UCHL3: variants seen among roughly 807,000 people sequenced by gnomAD.
The protein encoded by UCHL3 is ubiquitin carboxyl-terminal hydrolase isozyme L3.
In UCHL3, 22 loss-of-function variants were observed where a neutral mutation model predicts 35.8. The observed-to-expected ratio is 0.61, with a 90% confidence interval of 0.44 to 0.88. UCHL3 has a LOEUF of 0.88. Among genes scored for constraint, UCHL3 ranks in the 40% least tolerant of loss-of-function variants. The pLI, the probability that UCHL3 is intolerant of heterozygous loss-of-function variation, is 0.00. For missense variants in UCHL3, 229 were observed against 276.9 expected, an observed-to-expected ratio of 0.83 and a Z score of 1.23; for synonymous variants, 90 against 92.8, an observed-to-expected ratio of 0.97 and a Z score of 0.17.
At chr13:75,549,763 AGCGGCGGCG>A (rs1252302993), upstream of UCHL3, 9 of 1,445,384 alleles carry the variant, frequency 6.2e-6, no homozygotes, top group Non-Finnish European at 8.1e-6. Flanking sequence ...CGTGGGCGGA[AGCGGCGGCG>A]GCGGCGAAGG....
In UCHL3 at chr13:75,567,352, A is replaced by C. The variant is rs549018590; in HGVS notation, c.426+40A>C. On this transcript the variant is annotated intron_variant, in intron 5 of 8. Transcript: ENST00000377595. ...TCCGTTTTGATCTCATGTGGGCAAAAGTTTGTGGGATTGTAGATGTGTTTG... is the reference window on the plus strand; with the variant it reads ...TCCGTTTTGATCTCATGTGGGCAAACGTTTGTGGGATTGTAGATGTGTTTG... 63 of 1,574,868 alleles carry C rather than the reference A, an allele frequency of 4.0e-5. No homozygotes were observed. In the South Asian group the frequency reaches 7.0e-4, roughly 18 times the overall value.
chr13:75,605,278 C>G (rs1056432965), intron 8 of UCHL3, among the ~76,000 whole-genome samples: 3 of 152,192 alleles, frequency 2.0e-5, no homozygotes, highest in African/African-American at 7.2e-5. Flanking sequence ...GAGGCCGAGG[C>G]GGGTGGATCA....
rs1430477847 is a variant in UCHL3 at position 75,605,842 on chromosome 13, T to A, written c.*30T>A. The A allele has an allele frequency of 1.2e-6, 2 of 1,604,706 alleles. No individual in the cohort carries two copies. Among genetic ancestry groups the A allele is most frequent in the South Asian group, 2.2e-5 (2 of 89,898 alleles). ...TCAATAATGGAAACACCAAAAACTG[T>A]ATTATTTGCAACTAAATTTTCTCTG... On this transcript the variant is annotated 3_prime_UTR_variant, in exon 9 of 9. Transcript: ENST00000377595.
intron 2 of UCHL3, among the ~76,000 whole-genome samples, chr13:75,558,830 T>C (rs1011160680): frequency 1.3e-5 from 2 of 152,182 alleles, no homozygotes; most frequent in African/African-American, 4.8e-5. Flanking sequence ...ACACAGTTTT[T>C]TCCCTTGACT....
intron 6 of UCHL3, among the ~76,000 whole-genome samples, chr13:75,589,585 A>G (rs906771467): frequency 2.6e-5 from 4 of 151,962 alleles, no homozygotes; most frequent in Admixed American, 2.6e-4. Flanking sequence ...TGTGCATTTT[A>G]TATGCGTTAC....
At chr13:75,602,224 T>A (rs1210582379) in intron 7 of UCHL3, among the ~76,000 whole-genome samples, 49 of 152,214 alleles carry the variant, frequency 3.2e-4, no homozygotes, top group Admixed American at 3.2e-3. Context: ...TGTTGGGTAT[T>A]TGACAGTAGC....
chr13:75,583,206 AC>A (rs2032234150), intron 6 of UCHL3, among the ~76,000 whole-genome samples: 1 of 152,202 alleles, frequency 6.6e-6, no homozygotes. Context: ...CCCAGGCCTT[AC>A]AAAGTAGTTT....
At chr13:75,570,502 C>T (rs1333044293) in intron 6 of UCHL3, among the ~76,000 whole-genome samples, 1 of 152,170 alleles carries the variant, frequency 6.6e-6, no homozygotes, top group African/African-American at 2.4e-5. Flanking sequence ...TCCCATAGTG[C>T]TGGGATTACA....
In UCHL3 at chr13:75,605,578, A is replaced by G. The variant is rs545535869; in HGVS notation, c.610-151A>G. 5 of 716,290 alleles carry G rather than the reference A, an allele frequency of 7.0e-6. No homozygotes were observed. In the East Asian group the frequency reaches 1.1e-4, roughly 15 times the overall value. The allele number at this position is 716,290 out of a possible 1,614,324, so 44.4% of individuals were successfully genotyped here. Reference sequence around the variant, plus strand: ...TTGTACAAAGCAAATTAGGGCACCCATGTTCACTTTTCTGGTGTTCTTTAT... The same window carrying G: ...TTGTACAAAGCAAATTAGGGCACCCGTGTTCACTTTTCTGGTGTTCTTTAT... On this transcript the variant is annotated intron_variant, in intron 8 of 8. Coordinates refer to ENST00000377595, the MANE Select transcript of UCHL3 (RefSeq NM_006002.5).
intron 2 of UCHL3, among the ~76,000 whole-genome samples, chr13:75,552,241 A>C (rs913819729): frequency 6.6e-6 from 1 of 152,170 alleles, no homozygotes; most frequent in Non-Finnish European, 1.5e-5. Flanking sequence ...TTTATTCTCT[A>C]TGTTTTAGTG....
intron 3 of UCHL3, among the ~76,000 whole-genome samples, chr13:75,565,712 C>G (rs2031661622): frequency 6.6e-6 from 1 of 152,172 alleles, no homozygotes; most frequent in Non-Finnish European, 1.5e-5. Flanking sequence ...CATTTGCTGA[C>G]CCCGCTCTAT....
intron 6 of UCHL3, among the ~76,000 whole-genome samples, chr13:75,585,877 A>C (rs1372206578): frequency 2.6e-5 from 4 of 152,192 alleles, no homozygotes; most frequent in African/African-American, 9.6e-5. Flanking sequence ...AAGCTTAAAA[A>C]GTATAAACAA....
intron 2 of UCHL3, among the ~76,000 whole-genome samples, chr13:75,559,029 T>G (rs1425185171): frequency 4.1e-4 from 49 of 120,974 alleles, no homozygotes; most frequent in African/African-American, 1.5e-3. Flanking sequence ...AGCCCCGGAC[T>G]CTTTTTTTTT....
intron 6 of UCHL3, among the ~76,000 whole-genome samples, chr13:75,584,995 T>A (rs904277013): frequency 1.1e-4 from 17 of 150,716 alleles, no homozygotes; most frequent in Non-Finnish European, 2.4e-4. Flanking sequence ...TGGGACAATT[T>A]CAAGTGATGT....
chr13:75,585,566 A>G (rs952739947), intron 6 of UCHL3, among the ~76,000 whole-genome samples: 6 of 152,172 alleles, frequency 3.9e-5, no homozygotes, highest in Admixed American at 2.0e-4. Context: ...ACTTGGAGCT[A>G]TACAAAGATT....
chr13:75,563,786 C>T (rs1261121630), intron 3 of UCHL3, among the ~76,000 whole-genome samples: 1 of 152,128 alleles, frequency 6.6e-6, no homozygotes, highest in Non-Finnish European at 1.5e-5. Context: ...TGTATTTGAG[C>T]TTTTCCATGT....
chr13:75,576,775 T>C (rs2032036627), intron 6 of UCHL3, among the ~76,000 whole-genome samples: 1 of 152,240 alleles, frequency 6.6e-6, no homozygotes, highest in Non-Finnish European at 1.5e-5. Context: ...GTGTGTGTTA[T>C]TGTAATGTGT....
At chr13:75,602,812 T>C (rs1222918737) in intron 7 of UCHL3, among the ~76,000 whole-genome samples, 1 of 152,170 alleles carries the variant, frequency 6.6e-6, no homozygotes, top group Non-Finnish European at 1.5e-5. Context: ...GTAAAAATCA[T>C]AATTAATCTT....
At chr13:75,566,585 CCTTT>C in intron 3 of UCHL3, 106 bp from the exon 4 acceptor site, 3 of 680,498 alleles carry the variant, frequency 4.4e-6, no homozygotes, top group Non-Finnish European at 6.5e-6. Context: ...TATTTTAAAC[CCTTT>C]CTTTCATAAT....
Sources: allele counts gnomAD v4.1 joint callset (sites outside exome capture counted in the v4.1 genomes callset), GRCh38; gene constraint gnomAD v4.1.1; transcripts MANE v1.5; gene names NCBI Gene and HGNC (gene_info 2026-07-23, HGNC 2026-07-21).